The following PRKAA2 variants were observed in gnomAD, a reference collection of about 807,000 sequenced individuals.
PRKAA2 encodes the protein 5'-AMP-activated protein kinase catalytic subunit alpha-2.
A neutral mutation model predicts 56.3 loss-of-function variants in PRKAA2; 40 were observed. The ratio of observed to expected loss-of-function variants is 0.71; its 90% confidence interval spans 0.55 to 0.92. The LOEUF (loss-of-function observed/expected upper bound fraction) is 0.92, where lower values mean the gene tolerates loss of function less well. PRKAA2 is among the 40% of genes least tolerant of loss of function. The pLI is 0.00. For missense variants in PRKAA2, 542 were observed against 686.9 expected, an observed-to-expected ratio of 0.79 and a Z score of 2.36; for synonymous variants, 214 against 234.2, an observed-to-expected ratio of 0.91 and a Z score of 0.79.
chr1:56,649,251 G>A (rs1646668172), intron 1 of PRKAA2, among the ~76,000 whole-genome samples: 1 of 152,200 alleles, frequency 6.6e-6, no homozygotes, highest in South Asian at 2.1e-4. Flanking sequence ...AGATGAGGTT[G>A]TAAGGTTAAC....
intron 2 of PRKAA2, among the ~76,000 whole-genome samples, chr1:56,684,223 G>A (rs1182085918): frequency 6.6e-6 from 1 of 152,020 alleles, no homozygotes; most frequent in Non-Finnish European, 1.5e-5. Context: ...GATTGTAGGA[G>A]GAACAGGTTT....
chr1:56,683,717 G>C (rs1557554692), intron 2 of PRKAA2, among the ~76,000 whole-genome samples: 1 of 152,026 alleles, frequency 6.6e-6, no homozygotes, highest in Non-Finnish European at 1.5e-5. Flanking sequence ...ATCTGAAGTG[G>C]GTGAATGTTA....
Position 56,708,997 on chromosome 1 carries a change from G to A in PRKAA2, c.*1284G>A, listed in dbSNP as rs184828924. 9.5e-4 allele frequency: 144 copies of A among 151,874 alleles called. No individual in the cohort carries two copies. Among genetic ancestry groups the A allele is most frequent in the African/African-American group, 3.4e-3 (141 of 41,418 alleles). 9.4% of individuals were successfully genotyped at this position (151,874 alleles called of 1,614,324 possible). On this transcript the variant is annotated 3_prime_UTR_variant, in exon 9 of 9. Transcript: ENST00000371244. ...TAAGATTAAAAAAACACAAACTATA[G>A]CAGGGTAGATAATAGTTTATTGATT... is the stretch of plus-strand genomic sequence containing the variant.
intron 8 of PRKAA2, among the ~76,000 whole-genome samples, chr1:56,707,068 C>T (rs1644336620): frequency 6.6e-6 from 1 of 152,158 alleles, no homozygotes; most frequent in Non-Finnish European, 1.5e-5. Context: ...CAAGATTTCT[C>T]TCACTTTGCC....
intron 1 of PRKAA2, among the ~76,000 whole-genome samples, chr1:56,654,080 T>A (rs10889007): frequency 0.79 from 119,324 of 151,878 alleles, 47,392 homozygotes; most frequent in Non-Finnish European, 0.84. Flanking sequence ...TATTTTCAGT[T>A]CAGATAATAC....
intron 2 of PRKAA2, among the ~76,000 whole-genome samples, 188 bp downstream of exon 2, chr1:56,674,710 CATT>C: frequency 6.6e-6 from 1 of 151,696 alleles, no homozygotes; most frequent in South Asian, 2.1e-4. Flanking sequence ...ACTGAACAGA[CATT>C]GTTTCTAAAT....
intron 1 of PRKAA2, among the ~76,000 whole-genome samples, chr1:56,667,178 A>G (rs540259001): frequency 2.0e-5 from 3 of 152,312 alleles, no homozygotes; most frequent in East Asian, 3.9e-4. Flanking sequence ...CTGGCTGAGG[A>G]CTGATACACA....
At position 56,647,586 on chromosome 1, in the gene PRKAA2, A is replaced by G. The variant is rs1255783676; in HGVS notation, c.94+2105A>G. On this transcript the variant is annotated intron_variant, in intron 1 of 8. Coordinates refer to ENST00000371244, the MANE Select transcript of PRKAA2 (RefSeq NM_006252.4). ...GAGAACCTCTGTCCAATGAACAACC[A>G]GTTGAAGGAGTTTTCCTAACACTGT... Among the ~76,000 whole-genome samples, 10 of 152,322 alleles carry G rather than the reference A, an allele frequency of 6.6e-5. No homozygotes were observed. The East Asian group carries it at 1.9e-3, about 29-fold the overall frequency.
At chr1:56,648,714 T>G (rs1231672642) in intron 1 of PRKAA2, among the ~76,000 whole-genome samples, 2 of 152,162 alleles carry the variant, frequency 1.3e-5, no homozygotes, top group Admixed American at 1.3e-4. Flanking sequence ...TTTGCCAACA[T>G]TTGTTATTGT....
rs564687426 is a variant in PRKAA2 at position 56,698,866 on chromosome 1, T to G, written c.788+2707T>G. Among the ~76,000 whole-genome samples, 4 of 152,298 alleles carry G rather than the reference T, an allele frequency of 2.6e-5. 1 individual carries two copies. The South Asian group carries it at 8.3e-4, about 32-fold the overall frequency. On this transcript the variant is annotated intron_variant, in intron 6 of 8. Coordinates refer to ENST00000371244, the MANE Select transcript of PRKAA2 (RefSeq NM_006252.4). Reference sequence around the variant, plus strand: ...AAGGTCTTGTGCTAGGTGCTGGTAATATAGTGGTAAACAAGATAGATATTA... The same window carrying G: ...AAGGTCTTGTGCTAGGTGCTGGTAAGATAGTGGTAAACAAGATAGATATTA...
chr1:56,655,280 A>T lies in PRKAA2; in HGVS notation c.94+9799A>T, dbSNP rs1212471453. ...TGTATTTATATATCTATATATATATATTTTTTTTTTTTTTTTGTAGAGACA... is the reference window on the plus strand; with the variant it reads ...TGTATTTATATATCTATATATATATTTTTTTTTTTTTTTTTTGTAGAGACA... On this transcript the variant is annotated intron_variant, in intron 1 of 8. Coordinates refer to ENST00000371244, the MANE Select transcript of PRKAA2 (RefSeq NM_006252.4). Among the ~76,000 whole-genome samples the T allele has an allele frequency of 7.5e-5, 7 of 93,678 alleles. 1 individual carries two copies. The highest frequency in any genetic ancestry group is 1.1e-3 in the South Asian group (2 of 1,902). The allele number at this position is 93,678 out of a possible 152,430, so 61.5% of individuals were successfully genotyped here.
At chr1:56,701,700 T>G (rs924597566) in intron 6 of PRKAA2, among the ~76,000 whole-genome samples, 6 of 151,960 alleles carry the variant, frequency 3.9e-5, no homozygotes, top group Middle Eastern at 3.2e-3. Flanking sequence ...CCATCCTGGC[T>G]AACACGGTGA....
intron 1 of PRKAA2, among the ~76,000 whole-genome samples, chr1:56,656,700 G>C (rs934969975): frequency 1.3e-5 from 2 of 152,170 alleles, no homozygotes; most frequent in South Asian, 4.1e-4. Flanking sequence ...ACTGATACGG[G>C]CTTCCCAACT....
chr1:56,676,910 A>G (rs952300590), intron 2 of PRKAA2, among the ~76,000 whole-genome samples: 9 of 152,178 alleles, frequency 5.9e-5, no homozygotes, highest in African/African-American at 2.2e-4. Context: ...GTAAGCTTCA[A>G]TGTCATATGA....
Position 56,659,790 on chromosome 1 carries a change from C to T in PRKAA2, c.94+14309C>T, listed in dbSNP as rs1437740653. 2.6e-5 allele frequency among the ~76,000 whole-genome samples: 4 copies of T among 152,156 alleles called. No individual in the cohort carries two copies. The East Asian group carries it at 7.8e-4, about 30-fold the overall frequency. On this transcript the variant is annotated intron_variant, in intron 1 of 8. Coordinates refer to ENST00000371244, the MANE Select transcript of PRKAA2 (RefSeq NM_006252.4). ...AGCCATGGTGGCACGTGCCTATAGT[C>T]CCAGCGACTTGGGGAACTGAGGCGG... is the stretch of plus-strand genomic sequence containing the variant.
rs1644371935 is a variant in PRKAA2 at position 56,712,093 on chromosome 1, T to G, written c.*4380T>G. ...AGTGATTTTTCGATCTAGAGACCCT[T>G]CATATTGTTTACTTACTATTACGAT... On this transcript the variant is annotated 3_prime_UTR_variant, in exon 9 of 9. Transcript: ENST00000371244. 1 of 152,152 alleles carries G rather than the reference T, an allele frequency of 6.6e-6. No homozygotes were observed. Among genetic ancestry groups the G allele is most frequent in the Non-Finnish European group, 1.5e-5 (1 of 68,026 alleles). 9.4% of individuals were successfully genotyped at this position (152,152 alleles called of 1,614,324 possible). A position where few individuals can be genotyped will look rare whatever the true frequency, so the allele number is the denominator to read the frequency against.
intron 6 of PRKAA2, among the ~76,000 whole-genome samples, chr1:56,701,932 A>C (rs1276322008): frequency 6.6e-6 from 1 of 152,162 alleles, no homozygotes; most frequent in African/African-American, 2.4e-5. Flanking sequence ...GGGCAAGATT[A>C]AGAAAAAAAT....
At chr1:56,698,209 G>C (rs547287960) in intron 6 of PRKAA2, among the ~76,000 whole-genome samples, 11 of 151,156 alleles carry the variant, frequency 7.3e-5, no homozygotes, top group Middle Eastern at 3.4e-3. Flanking sequence ...AAGCCACCAC[G>C]CCTGGCCAAT....
At chr1:56,649,084 A>G (rs977545469) in intron 1 of PRKAA2, among the ~76,000 whole-genome samples, 2 of 152,144 alleles carry the variant, frequency 1.3e-5, no homozygotes, top group Non-Finnish European at 2.9e-5. Flanking sequence ...TTTTAAAATT[A>G]TTTTATGGAC....
Sources: allele counts gnomAD v4.1 joint callset (sites outside exome capture counted in the v4.1 genomes callset), GRCh38; gene constraint gnomAD v4.1.1; transcripts MANE v1.5; gene names NCBI Gene and HGNC (gene_info 2026-07-23, HGNC 2026-07-21).